SMYD3: variants seen among roughly 807,000 people sequenced by gnomAD.
SMYD3 encodes the protein histone-lysine N-methyltransferase SMYD3.
In SMYD3, 36 loss-of-function variants were observed where a neutral mutation model predicts 57.7. The observed-to-expected ratio is 0.62, with a 90% CI of 0.48 to 0.82. The LOEUF is 0.82. Ranked by LOEUF, SMYD3 falls within the 40% of genes least tolerant of loss-of-function variation. The pLI is 0.00. For synonymous variants in SMYD3, 211 were observed against 195.0 expected, an observed-to-expected ratio of 1.08 and a Z score of -0.68; for missense variants, 515 against 538.8, an observed-to-expected ratio of 0.96 and a Z score of 0.44.
intron 5 of SMYD3, among the ~76,000 whole-genome samples, chr1:246,293,529 G>A (rs917989184): frequency 6.6e-6 from 1 of 152,136 alleles, no homozygotes; most frequent in Admixed American, 6.6e-5. Flanking sequence ...CACTTTTGCA[G>A]ACATGGAGCA....
Position 245,854,145 on chromosome 1 carries a change from G to A in SMYD3, c.1076+4351C>T, listed in dbSNP as rs185842531. Among the ~76,000 whole-genome samples, 9 of 152,288 alleles carry A rather than the reference G, an allele frequency of 5.9e-5. No individual in the cohort carries two copies. The East Asian group carries it at 1.2e-3, about 20-fold the overall frequency. On this transcript the variant is annotated intron_variant, in intron 10 of 11. Coordinates refer to ENST00000490107, the MANE Select transcript of SMYD3 (RefSeq NM_001167740.2). ...TGTGGGCTTTGATGAAAGAAGAGAT[G>A]AAGGCCCTAATACGTTTTGAAATGG...
At chr1:245,924,389 A>G (rs964802500) in intron 7 of SMYD3, among the ~76,000 whole-genome samples, 1 of 152,184 alleles carries the variant, frequency 6.6e-6, no homozygotes, top group African/African-American at 2.4e-5. Context: ...GCAAAGTATT[A>G]TAAATGTTGC....
chr1:245,870,824 T>TG (rs1339241445), intron 8 of SMYD3, among the ~76,000 whole-genome samples: 5 of 41,966 alleles, frequency 1.2e-4, no homozygotes, highest in Non-Finnish European at 3.6e-4. Context: ...CCACGGGCTC[T>TG]GTCAGGTTAA....
chr1:246,268,990 A>C (rs2064165041), intron 5 of SMYD3, among the ~76,000 whole-genome samples: 1 of 152,176 alleles, frequency 6.6e-6, no homozygotes, highest in Non-Finnish European at 1.5e-5. Context: ...GTAAAAAGTT[A>C]CAGGTTCCCA....
chr1:246,160,609 G>A (rs1021186981), intron 5 of SMYD3, among the ~76,000 whole-genome samples: 1 of 152,236 alleles, frequency 6.6e-6, no homozygotes, highest in Non-Finnish European at 1.5e-5. Context: ...CGAGGAATCA[G>A]AGAATCAAGA....
chr1:246,293,261 G>T (rs1035576016), intron 5 of SMYD3, among the ~76,000 whole-genome samples: 10 of 152,058 alleles, frequency 6.6e-5, no homozygotes, highest in African/African-American at 2.2e-4. Context: ...ACTATATTTG[G>T]TCATGTAGTC....
chr1:246,337,832 A>G (rs2065569696), intron 2 of SMYD3, among the ~76,000 whole-genome samples: 1 of 152,248 alleles, frequency 6.6e-6, no homozygotes, highest in Non-Finnish European at 1.5e-5. Context: ...ATAGCTTACC[A>G]GGGTGAGATA....
At chr1:246,414,588 G>A (rs2067027664) in intron 1 of SMYD3, among the ~76,000 whole-genome samples, 2 of 151,014 alleles carry the variant, frequency 1.3e-5, no homozygotes, top group Admixed American at 6.6e-5. Flanking sequence ...CATACTATAT[G>A]TGTAAAATAT....
intron 5 of SMYD3, among the ~76,000 whole-genome samples, chr1:246,220,632 A>C (rs2063238825): frequency 6.6e-6 from 1 of 152,174 alleles, no homozygotes; most frequent in Admixed American, 6.5e-5. Context: ...CAGCAGCAGG[A>C]GGCAGGCAGG....
At chr1:246,179,409 C>T (rs189183060) in intron 5 of SMYD3, among the ~76,000 whole-genome samples, 50 of 152,234 alleles carry the variant, frequency 3.3e-4, no homozygotes, top group Middle Eastern at 3.4e-3. Context: ...TATGTGTGTC[C>T]TACATATAAA....
At position 246,331,264 on chromosome 1, in the gene SMYD3, C is replaced by T. The variant is rs542348284; in HGVS notation, c.337-727G>A. On this transcript the variant is annotated intron_variant, in intron 3 of 11. Coordinates refer to ENST00000490107, the MANE Select transcript of SMYD3 (RefSeq NM_001167740.2). ...AGATTTCACAGAGTTTACTGTTTTG[C>T]CACTTATGAAAAAGGGCCGAAGAAA... 1.1e-4 allele frequency among the ~76,000 whole-genome samples: 17 copies of T among 152,216 alleles called. No homozygotes were observed. In the South Asian group the frequency reaches 2.9e-3, roughly 26 times the overall value.
intron 1 of SMYD3, among the ~76,000 whole-genome samples, chr1:246,441,534 G>A (rs1444074445): frequency 1.3e-5 from 2 of 152,154 alleles, no homozygotes; most frequent in East Asian, 1.9e-4. Flanking sequence ...CATTCCAGTG[G>A]CTCAACAAAG....
chr1:245,761,116 C>T (rs1572261654), intron 11 of SMYD3, among the ~76,000 whole-genome samples: 1 of 152,166 alleles, frequency 6.6e-6, no homozygotes, highest in African/African-American at 2.4e-5. Context: ...TGGCAAGAGA[C>T]TCAATGACTT....
intron 5 of SMYD3, among the ~76,000 whole-genome samples, chr1:246,045,303 A>C (rs2059943605): frequency 6.6e-6 from 1 of 152,170 alleles, no homozygotes; most frequent in Admixed American, 6.5e-5. Context: ...AATGGAACAG[A>C]ACAGAGCCCT....
chr1:245,763,073 C>G (rs1007786776), intron 11 of SMYD3, among the ~76,000 whole-genome samples: 1 of 152,186 alleles, frequency 6.6e-6, no homozygotes, highest in Non-Finnish European at 1.5e-5. Flanking sequence ...TGGGCTCCTC[C>G]GGGCAGAGGA....
At chr1:246,348,779 T>G (rs1292903715) in intron 2 of SMYD3, among the ~76,000 whole-genome samples, 1 of 107,906 alleles carries the variant, frequency 9.3e-6, no homozygotes, top group Non-Finnish European at 1.8e-5. Flanking sequence ...ATTAAATAAA[T>G]TTGAAACAAT....
intron 5 of SMYD3, among the ~76,000 whole-genome samples, chr1:246,300,165 C>G (rs2064869039): frequency 6.6e-6 from 1 of 152,120 alleles, no homozygotes; most frequent in Non-Finnish European, 1.5e-5. Flanking sequence ...CAGTGTTGGT[C>G]TCTAAGAAGT....
intron 5 of SMYD3, among the ~76,000 whole-genome samples, chr1:246,036,176 G>A (rs1468817843): frequency 6.6e-6 from 1 of 152,200 alleles, no homozygotes; most frequent in Non-Finnish European, 1.5e-5. Context: ...AGTCCTTCAA[G>A]TTATCATTTC....
At chr1:245,951,903 C>T (rs114501582) in intron 5 of SMYD3, among the ~76,000 whole-genome samples, 1,820 of 152,270 alleles carry the variant, frequency 0.012, 22 homozygotes, top group Non-Finnish European at 0.017. Context: ...CACAAATGCT[C>T]TCATTTCCCC....
Sources: allele counts gnomAD v4.1 joint callset (sites outside exome capture counted in the v4.1 genomes callset), GRCh38; gene constraint gnomAD v4.1.1; transcripts MANE v1.5; gene names NCBI Gene and HGNC (gene_info 2026-07-23, HGNC 2026-07-21).